The following UBAC2 variants were observed in gnomAD, a reference collection of about 807,000 sequenced individuals.
UBAC2 encodes ubiquitin-associated domain-containing protein 2.
Under a neutral mutation model 44.0 loss-of-function variants are expected in UBAC2, and 26 were observed. The observed-to-expected ratio is 0.59, with a 90% CI of 0.43 to 0.82. The LOEUF is 0.82. Among genes scored for constraint, UBAC2 ranks in the 40% least tolerant of loss-of-function variants. UBAC2 has a pLI of 0.00. For synonymous variants in UBAC2, 155 were observed against 154.3 expected (o/e 1.00, Z -0.04); for missense variants, 329 against 419.4 (o/e 0.78, Z 1.88).
At chr13:99,250,602 G>T (rs960425359) in intron 4 of UBAC2, among the ~76,000 whole-genome samples, 8 of 151,544 alleles carry the variant, frequency 5.3e-5, no homozygotes, top group Admixed American at 4.6e-4. Flanking sequence ...TTCTAATTCT[G>T]TGAAAAATGA....
intron 4 of UBAC2, among the ~76,000 whole-genome samples, chr13:99,249,759 G>A (rs906019861): frequency 4.6e-5 from 7 of 151,964 alleles, no homozygotes; most frequent in African/African-American, 1.4e-4. Context: ...TGGCTTTTTA[G>A]TAGCCATTCT....
intron 1 of UBAC2, among the ~76,000 whole-genome samples, chr13:99,216,048 G>A (rs1031274613): frequency 1.3e-5 from 2 of 151,738 alleles, no homozygotes; most frequent in African/African-American, 4.8e-5. Context: ...GCCATTAAAG[G>A]TAAAATGGCA....
chr13:99,252,952 A>C (rs991044160), intron 4 of UBAC2, among the ~76,000 whole-genome samples: 1 of 151,964 alleles, frequency 6.6e-6, no homozygotes, highest in Non-Finnish European at 1.5e-5. Context: ...TAATAAATTT[A>C]AGAGTAGATT....
At chr13:99,223,542 G>GTTTTTTTTT (rs145143990) in intron 1 of UBAC2, among the ~76,000 whole-genome samples, 28 of 62,444 alleles carry the variant, frequency 4.5e-4, no homozygotes, top group African/African-American at 7.4e-4. Context: ...CTCTTTTTCT[G>GTTTTTTTTT]TTTTTTTTTT....
chr13:99,309,145 G>A (rs1037438290), intron 4 of UBAC2, among the ~76,000 whole-genome samples: 14 of 150,986 alleles, frequency 9.3e-5, no homozygotes, highest in Non-Finnish European at 2.1e-4. Flanking sequence ...ACAGAGTCTC[G>A]CTCTCACCAG....
At chr13:99,314,320 T>C (rs1294980223) in intron 5 of UBAC2, 100 bp downstream of exon 5, 104 of 1,369,604 alleles carry the variant, frequency 7.6e-5, no homozygotes, top group Non-Finnish European at 9.3e-5. Flanking sequence ...ACAATGGTTT[T>C]TTTCCCCCCA....
chr13:99,215,617 C>T, intron 1 of UBAC2: 1 of 1,324,374 alleles, frequency 7.6e-7, no homozygotes, highest in South Asian at 1.2e-5. Context: ...GCAGTTGCAC[C>T]CACATGTCTG....
intron 1 of UBAC2, among the ~76,000 whole-genome samples, chr13:99,231,258 G>GTTCACCTTCACTGAGT (rs1374717567): frequency 4.6e-5 from 7 of 152,156 alleles, no homozygotes; most frequent in Non-Finnish European, 2.9e-5. Flanking sequence ...CTGTTGATAA[G>GTTCACCTTCACTGAGT]TTCACCTTCA....
intron 7 of UBAC2, among the ~76,000 whole-genome samples, chr13:99,360,149 G>C (rs2045246093): frequency 6.6e-6 from 1 of 152,188 alleles, no homozygotes; most frequent in Non-Finnish European, 1.5e-5. Flanking sequence ...AGCTCAGGCT[G>C]CAGTGAGCTG....
At chr13:99,216,691 G>A (rs1240702943) in intron 1 of UBAC2, among the ~76,000 whole-genome samples, 1 of 152,050 alleles carries the variant, frequency 6.6e-6, no homozygotes, top group Non-Finnish European at 1.5e-5. Flanking sequence ...ACATTTCGCT[G>A]GTGTTTTGAG....
chr13:99,289,410 G>A (rs1431971263), intron 4 of UBAC2, among the ~76,000 whole-genome samples: 1 of 152,210 alleles, frequency 6.6e-6, no homozygotes, highest in African/African-American at 2.4e-5. Flanking sequence ...AACTTGAAAG[G>A]CCCATATTGG....
At chr13:99,257,750 CAT>C (rs1363614956) in intron 4 of UBAC2, among the ~76,000 whole-genome samples, 5 of 152,022 alleles carry the variant, frequency 3.3e-5, no homozygotes, top group Admixed American at 2.6e-4. Context: ...TAATTGAAAA[CAT>C]GTGATGAACA....
chr13:99,273,481 G>T (rs1461000897), intron 4 of UBAC2, among the ~76,000 whole-genome samples: 7 of 152,092 alleles, frequency 4.6e-5, no homozygotes, highest in Admixed American at 4.6e-4. Context: ...AGAGTAAGCG[G>T]TTTCTTTATA....
At chr13:99,286,828 C>T (rs2044024437) in intron 4 of UBAC2, among the ~76,000 whole-genome samples, 1 of 152,282 alleles carries the variant, frequency 6.6e-6, no homozygotes, top group African/African-American at 2.4e-5. Context: ...CACATGTAAC[C>T]TTAGAATGTG....
At chr13:99,331,350 C>T (rs910970030) in intron 6 of UBAC2, among the ~76,000 whole-genome samples, 2 of 152,210 alleles carry the variant, frequency 1.3e-5, no homozygotes, top group African/African-American at 4.8e-5. Flanking sequence ...TTCTACTTAG[C>T]ATAGTTGACC....
chr13:99,370,623 T>G (rs1183295786), intron 8 of UBAC2, among the ~76,000 whole-genome samples: 1 of 152,202 alleles, frequency 6.6e-6, no homozygotes, highest in African/African-American at 2.4e-5. Flanking sequence ...AGCAAAACTT[T>G]GTCCTCATTT....
chr13:99,282,310 C>T (rs1479445908), intron 4 of UBAC2, among the ~76,000 whole-genome samples: 2 of 152,148 alleles, frequency 1.3e-5, no homozygotes, highest in Non-Finnish European at 2.9e-5. Context: ...TTAGCCCACA[C>T]CCTTGAGGAG....
At chr13:99,263,335 C>G (rs1043737989) in intron 4 of UBAC2, among the ~76,000 whole-genome samples, 1 of 152,172 alleles carries the variant, frequency 6.6e-6, no homozygotes, top group African/African-American at 2.4e-5. Flanking sequence ...CTCTGCCATT[C>G]CATGGCCAAA....
In UBAC2 at chr13:99,232,450, G is replaced by GAA. The variant is rs201108037; in HGVS notation, c.32-5967_32-5966dup. Among the ~76,000 whole-genome samples, 20 of 110,916 alleles carry GAA rather than the reference G, an allele frequency of 1.8e-4. 1 individual carries two copies. Among genetic ancestry groups the GAA allele is most frequent in the Middle Eastern group, 5.3e-3 (1 of 188 alleles). The allele number at this position is 110,916 out of a possible 152,430, so 72.8% of individuals were successfully genotyped here. Reference sequence around the variant, plus strand: ...CACACACATACTCTAAGGACCAAAAGAAAAAAAAAAATCTTCAAAGGTATC... The same window carrying GAA: ...CACACACATACTCTAAGGACCAAAAGAAAAAAAAAAAAATCTTCAAAGGTATC... On this transcript the variant is annotated intron_variant, in intron 1 of 8. Transcript: ENST00000403766.
Sources: allele counts gnomAD v4.1 joint callset (sites outside exome capture counted in the v4.1 genomes callset), GRCh38; gene constraint gnomAD v4.1.1; transcripts MANE v1.5; gene names NCBI Gene and HGNC (gene_info 2026-07-23, HGNC 2026-07-21).